Variants in ARL6IP4 observed in about 807,000 individuals in gnomAD.
ARL6IP4 encodes ARF like GTPase 6 interacting protein 4.
ARL6IP4 carries 24 observed loss-of-function variants against 28.1 expected under a neutral mutation model. The observed-to-expected ratio is 0.86, with a 90% CI of 0.62 to 1.20. ARL6IP4 has a LOEUF of 1.20. Ranked by LOEUF, ARL6IP4 falls within the 50% of genes most tolerant of loss-of-function variation. ARL6IP4 has a pLI of 0.00. For synonymous variants in ARL6IP4, 162 were observed against 122.3 expected (o/e 1.32, Z -2.14); for missense variants, 343 against 302.4 (o/e 1.13, Z -1.00).
At chr12:122,980,670 C>G (rs1276043312), upstream of ARL6IP4, 1 of 1,358,606 alleles carries the variant, frequency 7.4e-7, no homozygotes, top group Non-Finnish European at 9.4e-7. Flanking sequence ...CGCAGCGCCC[C>G]GGCCGGAAGC....
chr12:122,982,143 G>T, intron 4 of ARL6IP4, 69 bp downstream of exon 4: 1 of 1,553,076 alleles, frequency 6.4e-7, no homozygotes. Context: ...GTGCTCTCGG[G>T]AGGAGTGGGG....
At chr12:122,980,306 C>T, upstream of ARL6IP4, 1 of 1,285,594 alleles carries the variant, frequency 7.8e-7, no homozygotes. Flanking sequence ...CTGGCCCCTA[C>T]GGACACGAGT....
chr12:122,982,820 C>T lies in ARL6IP4; in HGVS notation c.*144C>T. 1 of 879,468 alleles carries T rather than the reference C, an allele frequency of 1.1e-6. No individual in the cohort carries two copies. Among genetic ancestry groups the T allele is most frequent in the Non-Finnish European group, 1.8e-6 (1 of 569,692 alleles). 54.5% of individuals were successfully genotyped at this position (879,468 alleles called of 1,614,324 possible). On this transcript the variant is annotated 3_prime_UTR_variant, in exon 6 of 6. Transcript: ENST00000315580. The stretch of plus-strand genomic sequence containing the variant: ...GCCCAGCCCAGTCTCTTCTCAGGGG[C>T]AGGGGGTGGAGGTTGGGGTCACCGG...
In ARL6IP4 at chr12:122,982,483, A is replaced by T; in HGVS notation, c.602A>T (p.Asp201Val). The T allele has an allele frequency of 6.2e-7, 1 of 1,613,688 alleles. No individual in the cohort carries two copies. The highest frequency in any genetic ancestry group is 8.5e-7 in the Non-Finnish European group (1 of 1,179,842). The change falls in exon 5 of 6, where the codon GAT becomes GTT. Residue 201 changes from aspartate to valine, a missense_variant. By Grantham distance (152) the Asp-to-Val change is radical. Coordinates refer to ENST00000315580, the MANE Select transcript of ARL6IP4 (RefSeq NM_018694.4). ...ETGRTRLIKG[D>V]GEVLEEIVTK... ...CCCACCCCCAGGCTTATTAAGGGAGATGGCGAGGTCCTAGAGGAAATCGTA... is the reference window on the plus strand; with the variant it reads ...CCCACCCCCAGGCTTATTAAGGGAGTTGGCGAGGTCCTAGAGGAAATCGTA...
At position 122,981,199 on chromosome 12, in the gene ARL6IP4, G is replaced by GT. The variant is rs1256327595; in HGVS notation, c.61dup (p.Ser21PhefsTer65). On this transcript the variant is annotated frameshift_variant, in exon 2 of 6. Coordinates refer to ENST00000315580, the MANE Select transcript of ARL6IP4 (RefSeq NM_018694.4). LOFTEE classifies it high-confidence loss of function. ...GTCGCAGCCGGTCCCGGGGACGGGG[G>GT]TCGGAAAAGAGAAAGAAGAAGAGCA... 1.0e-5 allele frequency: 16 copies of GT among 1,549,946 alleles called. No individual in the cohort carries two copies. In the East Asian group the frequency reaches 3.9e-4, roughly 38 times the overall value.
At position 122,982,140 on chromosome 12, in the gene ARL6IP4, C is replaced by T. The variant is rs1454530031; in HGVS notation, c.587+66C>T. 1.5e-5 allele frequency: 24 copies of T among 1,559,306 alleles called. No homozygotes were observed. The Admixed American group carries it at 1.8e-4, about 12-fold the overall frequency. On this transcript the variant is annotated intron_variant, in intron 4 of 5. Coordinates refer to ENST00000315580, the MANE Select transcript of ARL6IP4 (RefSeq NM_018694.4). Reference sequence around the variant, plus strand: ...AGTGTTGGCTGAAGATGTGTGCTCTCGGGAGGAGTGGGGCCGGGCGGGGTT... The same window carrying T: ...AGTGTTGGCTGAAGATGTGTGCTCTTGGGAGGAGTGGGGCCGGGCGGGGTT...
rs774625176 is a variant in ARL6IP4 at position 122,981,602 on chromosome 12, C to G, written c.192C>G (p.Ser64Arg). The change falls in exon 3 of 6, where the codon AGC (serine) becomes AGG (arginine). Residue 64 changes from serine (S) to arginine (R), a missense_variant. Coordinates refer to ENST00000315580, the MANE Select transcript of ARL6IP4 (RefSeq NM_018694.4). ...ASPSPCITERSKQKARRRTRS... is the reference protein window; with the variant it reads ...ASPSPCITERRKQKARRRTRS... Reference sequence around the variant, plus strand: ...CTTCTCCCTGCATCACAGAGAGAAGCAAGCAGAAGGCCCGGAGGAGAACAA... The same window carrying G: ...CTTCTCCCTGCATCACAGAGAGAAGGAAGCAGAAGGCCCGGAGGAGAACAA... 1 of 1,559,346 alleles carries G rather than the reference C, an allele frequency of 6.4e-7. No individual in the cohort carries two copies. The highest frequency in any genetic ancestry group is 1.8e-5 in the Admixed American group (1 of 54,358).
In ARL6IP4 at chr12:122,982,650, C is replaced by G; in HGVS notation, c.688C>G (p.Gln230Glu). 1 of 1,614,046 alleles carries G rather than the reference C, an allele frequency of 6.2e-7. No homozygotes were observed. Among genetic ancestry groups the G allele is most frequent in the South Asian group, 1.1e-5 (1 of 91,086 alleles). ...CACCCGAGGGGACTGCCTGGCCTTC[C>G]AGATGCGAGCTGGGTTGCTTCCCTG... ...QATRGDCLAF[Q>E]MRAGLLP Residue 230 changes from glutamine (Q) to glutamate (E), a missense_variant, in exon 6 of 6, where the codon CAG becomes GAG. Gln to Glu is a conservative substitution (Grantham distance 29). Coordinates refer to ENST00000315580, the MANE Select transcript of ARL6IP4 (RefSeq NM_018694.4).
upstream of ARL6IP4, chr12:122,980,593 G>A: frequency 7.2e-7 from 1 of 1,393,122 alleles, no homozygotes; most frequent in South Asian, 1.6e-5. Flanking sequence ...GGGCGCGCCC[G>A]GGACGGAACC....
intron 2 of ARL6IP4, 80 bp downstream of exon 2, chr12:122,981,379 G>A: frequency 4.1e-6 from 6 of 1,477,084 alleles, no homozygotes; most frequent in Non-Finnish European, 5.4e-6. Context: ...GGGACGCTCA[G>A]TCATGCCTCT....
rs543285181 is a variant in ARL6IP4 at position 122,981,697 on chromosome 12, C to T, written c.287C>T (p.Ser96Phe). The change falls in exon 3 of 6, where the codon TCC (serine) becomes TTC (phenylalanine). Residue 96 changes from serine (S) to phenylalanine (F), a missense_variant. By Grantham distance (155) the Ser-to-Phe change is radical. Transcript: ENST00000315580. ...SSSSSSSSSS[S>F]SSDGRKKRGK... ...TCTTCCTCCTCGTCCTCCTCCTCTTCCTCCAGTGATGGCCGGAAGAAGCGG... is the reference window on the plus strand; with the variant it reads ...TCTTCCTCCTCGTCCTCCTCCTCTTTCTCCAGTGATGGCCGGAAGAAGCGG... The T allele has an allele frequency of 2.0e-5, 31 of 1,553,540 alleles. No individual in the cohort carries two copies. Among genetic ancestry groups the T allele is most frequent in the East Asian group, 7.3e-5 (3 of 41,272 alleles).
In ARL6IP4 at chr12:122,981,856, C is replaced by A. The variant is rs2037682386; in HGVS notation, c.446C>A (p.Ala149Asp). Reference sequence around the variant, plus strand: ...TCGCTGGACCAGTGGCACCGATCAGCTGGGGAGGAAGAGGATGGCCCAGGT... The same window carrying A: ...TCGCTGGACCAGTGGCACCGATCAGATGGGGAGGAAGAGGATGGCCCAGGT... ...GPSLDQWHRS[A>D]GEEEDGPVLT... Residue 149 changes from alanine (A) to aspartate (D), a missense_variant, in exon 3 of 6, where the codon GCT becomes GAT. Ala to Asp is a moderately radical substitution (Grantham distance 126, BLOSUM62 -2). Coordinates refer to ENST00000315580, the MANE Select transcript of ARL6IP4 (RefSeq NM_018694.4). The A allele has an allele frequency of 6.2e-7, 1 of 1,610,572 alleles. No homozygotes were observed. Among genetic ancestry groups the A allele is most frequent in the South Asian group, 1.1e-5 (1 of 90,800 alleles).
chr12:122,980,254 A>G, upstream of ARL6IP4: 1 of 1,238,064 alleles, frequency 8.1e-7, no homozygotes, highest in Non-Finnish European at 1.0e-6. Flanking sequence ...TTCCTTCCGG[A>G]TGGGCCTGGG....
chr12:122,982,218 A>C (rs547765483), intron 4 of ARL6IP4, 144 bp downstream of exon 4: 1 of 974,200 alleles, frequency 1.0e-6, no homozygotes, highest in East Asian at 2.5e-5. Flanking sequence ...ACTTGGAGTA[A>C]GTAGTTGCAG....
In ARL6IP4 at chr12:122,980,815, A is replaced by G. The variant is rs1258178545; in HGVS notation, c.-12+70A>G. 6.8e-6 allele frequency: 9 copies of G among 1,326,510 alleles called. No individual in the cohort carries two copies. In the East Asian group the frequency reaches 2.2e-4, roughly 32 times the overall value. The allele number at this position is 1,326,510 out of a possible 1,614,324, so 82.2% of individuals were successfully genotyped here. On this transcript the variant is annotated intron_variant, in intron 1 of 5. Transcript: ENST00000315580. ...CGCGAAGGGCGCGGGGCTGGAGGGT[A>G]GGAGAGCGCGGGAAAGCGCCCCAGA...
chr12:122,981,353 G>C lies in ARL6IP4; in HGVS notation c.160+54G>C, dbSNP rs754616679. 7.7e-5 allele frequency: 116 copies of C among 1,508,704 alleles called. No homozygotes were observed. In the Admixed American group the frequency reaches 1.6e-3, roughly 21 times the overall value. The allele number at this position is 1,508,704 out of a possible 1,614,324, so 93.5% of individuals were successfully genotyped here. Reference sequence around the variant, plus strand: ...GGCGCAGTTACTACCCGGGGAAGTCGGGCGAGCAGTGGTCGGGGACGCTCA... The same window carrying C: ...GGCGCAGTTACTACCCGGGGAAGTCCGGCGAGCAGTGGTCGGGGACGCTCA... On this transcript the variant is annotated intron_variant, in intron 2 of 5. Coordinates refer to ENST00000315580, the MANE Select transcript of ARL6IP4 (RefSeq NM_018694.4).
At chr12:122,981,455 G>C (rs1012789966) in intron 2 of ARL6IP4, 116 bp from the exon 3 acceptor site, 2 of 1,386,922 alleles carry the variant, frequency 1.4e-6, no homozygotes, top group Non-Finnish European at 1.9e-6. Context: ...CCTCTGGGAA[G>C]CTCCATCTCT....
chr12:122,981,711 CG>C lies in ARL6IP4; in HGVS notation c.303del (p.Lys102ArgfsTer20), dbSNP rs1566219313. The part of the protein sequence containing the change: ...SSSSSSSSDG[R>X]KKRGKYKDKR... ...CTCCTCCTCTTCCTCCAGTGATGGCCGGAAGAAGCGGGGGAAGTACAAGGAC... is the reference window on the plus strand; with the variant it reads ...CTCCTCCTCTTCCTCCAGTGATGGCCGAAGAAGCGGGGGAAGTACAAGGAC... On this transcript the variant is annotated frameshift_variant, in exon 3 of 6. Transcript: ENST00000315580. LOFTEE classifies it high-confidence loss of function. 1 of 1,551,370 alleles carries C rather than the reference CG, an allele frequency of 6.4e-7. No individual in the cohort carries two copies. The highest frequency in any genetic ancestry group is 1.2e-5 in the South Asian group (1 of 84,354).
upstream of ARL6IP4, chr12:122,980,319 G>A: frequency 3.1e-6 from 4 of 1,295,118 alleles, no homozygotes; most frequent in Non-Finnish European, 3.9e-6. Flanking sequence ...ACACGAGTTT[G>A]CGACCTCTGA....
Sources: gnomAD v4.1 joint callset for allele counts on GRCh38, gnomAD v4.1.1 for gene constraint, MANE v1.5 for transcripts, NCBI Gene and HGNC (gene_info 2026-07-23, HGNC 2026-07-21) for gene names.